The following DOCK6 variants were observed in gnomAD, a reference collection of about 807,000 sequenced individuals.
DOCK6 encodes dedicator of cytokinesis 6.
In DOCK6, 167 loss-of-function variants were observed where a neutral mutation model predicts 230.3. That is an observed-to-expected ratio of 0.73 (90% confidence interval 0.64 to 0.82). The LOEUF (loss-of-function observed/expected upper bound fraction) is 0.82. Among genes scored for constraint, DOCK6 ranks in the 40% least tolerant of loss-of-function variants. The pLI, the probability that DOCK6 is intolerant of heterozygous loss-of-function variation, is 0.00. For synonymous variants in DOCK6, 1,148 were observed against 1,185.0 expected (o/e 0.97, Z 0.64); for missense variants, 2,598 against 2,825.8 (o/e 0.92, Z 1.83).
chr19:11,243,664 C>T lies in DOCK6; in HGVS notation c.1151G>A (p.Cys384Tyr). 6.2e-7 allele frequency: 1 copy of T among 1,613,016 alleles called. No homozygotes were observed. The highest frequency in any genetic ancestry group is 8.5e-7 in the Non-Finnish European group (1 of 1,179,746). The change falls in exon 11 of 48, where the codon TGC (cysteine) becomes TAC (tyrosine). Residue 384 changes from cysteine (C) to tyrosine (Y), a missense_variant. Cys to Tyr is a radical substitution (Grantham distance 194). Transcript: ENST00000294618. This position sits in a 1 kb window ranked among gnomAD's most constrained non-coding sequence, Gnocchi z 6.3. ...CATGCGGTAGCGGCCCAGGCGGGTG[C>T]AGAACTGCTCGGCCGCCAGGCGCAG... is the stretch of plus-strand genomic sequence containing the variant. ...EKLRLAAEQF[C>Y]TRLGRYRMPF...
At chr19:11,229,562 G>A (rs1284380446) in intron 22 of DOCK6, among the ~76,000 whole-genome samples, 2 of 152,120 alleles carry the variant, frequency 1.3e-5, no homozygotes, top group African/African-American at 2.4e-5. Flanking sequence ...GGATGCCAAT[G>A]GGGACAGGCA....
At position 11,243,923 on chromosome 19, in the gene DOCK6, A is replaced by G; in HGVS notation, c.1024-41T>C. ...ATGAATCCAGTGAGGCGCTGCCCGA[A>G]CGCTCTGTTCCCCCGTGCTGGCTCC... On this transcript the variant is annotated intron_variant, in intron 9 of 47. Transcript: ENST00000294618. The surrounding 1 kb of genome is among the most constrained non-coding windows in gnomAD (Gnocchi z 6.3). 7 of 1,570,190 alleles carry G rather than the reference A, an allele frequency of 4.5e-6. No individual in the cohort carries two copies. The highest frequency in any genetic ancestry group is 6.0e-6 in the Non-Finnish European group (7 of 1,157,202).
intron 14 of DOCK6, chr19:11,240,018 G>T (rs1385079771): frequency 1.9e-6 from 3 of 1,545,940 alleles, no homozygotes; most frequent in African/African-American, 1.4e-5. Flanking sequence ...ATCCTGGTTT[G>T]CCCAGGACTG....
chr19:11,245,304 C>G (rs1599274800), intron 9 of DOCK6, among the ~76,000 whole-genome samples: 2 of 152,290 alleles, frequency 1.3e-5, no homozygotes, highest in Middle Eastern at 6.8e-3. Flanking sequence ...AGGACCCCAG[C>G]CTGTCACATG....
rs545302357 is a variant in DOCK6, at chr19:11,244,162, T to TTATGTATGTATGTATG, written c.1024-296_1024-281dup. ...CCTAAATTTACTTATTTATTTACAT[T>TTATGTATGTATGTATG]TATGTATGTATGTATGTATGTATTA... On this transcript the variant is annotated intron_variant, in intron 9 of 47. Transcript: ENST00000294618. 4.6e-3 allele frequency among the ~76,000 whole-genome samples: 695 copies of TTATGTATGTATGTATG among 152,178 alleles called. 8 individuals carry two copies. Among genetic ancestry groups the TTATGTATGTATGTATG allele is most frequent in the African/African-American group, 0.016 (661 of 41,478 alleles).
chr19:11,250,301 A>G (rs1249836902), intron 6 of DOCK6, among the ~76,000 whole-genome samples: 1 of 144,824 alleles, frequency 6.9e-6, no homozygotes. Flanking sequence ...GTGAGCCACC[A>G]CGCCCAGCCA....
chr19:11,233,282 C>A lies in DOCK6; in HGVS notation c.2639G>T (p.Ser880Ile), dbSNP rs1218010061. 4 of 1,613,808 alleles carry A rather than the reference C, an allele frequency of 2.5e-6. No homozygotes were observed. In the African/African-American group the frequency reaches 4.0e-5, roughly 16 times the overall value. The change falls in exon 22 of 48, where the codon AGC (serine) becomes ATC (isoleucine). Residue 880 changes from serine (S) to isoleucine (I), a missense_variant. Physicochemically the swap from Ser to Ile is moderately radical, Grantham distance 142. Coordinates refer to ENST00000294618, the MANE Select transcript of DOCK6 (RefSeq NM_020812.4). ...GAGGTCAGGGTTGCTGCTGCTGATG[C>A]TCTTGGAACGCGCCAGGTAGAGGCT... ...PASLYLARSK[S>I]ISSSNPDLAV...
At chr19:11,212,246 CTTTA>C in intron 35 of DOCK6, 95 bp from the exon 36 acceptor site, 1 of 1,416,712 alleles carries the variant, frequency 7.1e-7, no homozygotes, top group Non-Finnish European at 9.4e-7. Flanking sequence ...CCCTTGCGTT[CTTTA>C]TTTTTTTTGA....
At chr19:11,216,122 C>T in intron 30 of DOCK6, 195 bp from the exon 31 acceptor site, 1 of 495,890 alleles carries the variant, frequency 2.0e-6, no homozygotes, top group Non-Finnish European at 3.4e-6. Context: ...GAGTCTCTCT[C>T]ATTCTGTCGC....
chr19:11,243,090 C>A lies in DOCK6; in HGVS notation c.1449G>T (p.Ser483=). ...FKFLADMRRP[S]SLLRRLRPVT... is the part of the protein sequence containing the mutation. ...CAGGACGTAGTCGCCGCAGCAGGGA[C>A]GACGGGCGCCTCATGTCAGCCAGGA... is the stretch of plus-strand genomic sequence containing the variant. The change falls in exon 13 of 48, where the codon TCG becomes TCT. Residue 483 remains serine (S), a synonymous_variant. Coordinates refer to ENST00000294618, the MANE Select transcript of DOCK6 (RefSeq NM_020812.4). The surrounding 1 kb of genome is among the most constrained non-coding windows in gnomAD (Gnocchi z 6.3). 6.2e-7 allele frequency: 1 copy of A among 1,613,944 alleles called. No individual in the cohort carries two copies. The highest frequency in any genetic ancestry group is 8.5e-7 in the Non-Finnish European group (1 of 1,179,888).
chr19:11,206,162 C>G (rs539537382), intron 39 of DOCK6: 1 of 152,144 alleles, frequency 6.6e-6, no homozygotes, highest in African/African-American at 2.4e-5. Context: ...GAAAAACACA[C>G]GGAGCAAAGG....
intron 31 of DOCK6, 155 bp downstream of exon 31, chr19:11,215,646 G>A (rs1260059750): frequency 8.1e-6 from 11 of 1,361,758 alleles, no homozygotes; most frequent in East Asian, 2.4e-5. Context: ...AGATGGGGAC[G>A]CACAGGCGCA....
intron 28 of DOCK6, among the ~76,000 whole-genome samples, chr19:11,218,285 T>C (rs556891349): frequency 4.3e-4 from 65 of 152,192 alleles, no homozygotes; most frequent in Non-Finnish European, 8.2e-4. Flanking sequence ...TAGCTGGTAT[T>C]ACAGGTGCGC....
chr19:11,226,416 T>C (rs1366185677), intron 24 of DOCK6, among the ~76,000 whole-genome samples: 1 of 152,232 alleles, frequency 6.6e-6, no homozygotes, highest in Admixed American at 6.5e-5. Context: ...CCCAGCACTT[T>C]GGGAGGGCAA....
chr19:11,224,763 C>G (rs2079638076), intron 24 of DOCK6, among the ~76,000 whole-genome samples: 1 of 152,050 alleles, frequency 6.6e-6, no homozygotes, highest in South Asian at 2.1e-4. Flanking sequence ...GCCTCAGTGG[C>G]CCTCAAATCC....
At position 11,229,292 on chromosome 19, in the gene DOCK6, C is replaced by T. The variant is rs59187949; in HGVS notation, c.2719-257G>A. 4.8e-3 allele frequency: 6,117 copies of T among 1,276,782 alleles called. 234 individuals carry two copies. The African/African-American group carries it at 0.081, about 17-fold the overall frequency. 79.1% of individuals were successfully genotyped at this position (1,276,782 alleles called of 1,614,324 possible). On this transcript the variant is annotated intron_variant, in intron 22 of 47. Transcript: ENST00000294618. ...AAATAGCGTCATCCGCACCTCCCCC[C>T]ACTACCTTCTGCACAGTGGGTCTCA...
chr19:11,202,051 G>C lies in DOCK6; in HGVS notation c.5526C>G (p.Asp1842Glu), dbSNP rs769306856. The C allele has an allele frequency of 1.9e-6, 3 of 1,614,048 alleles. No individual in the cohort carries two copies. The Admixed American group carries it at 5.0e-5, about 27-fold the overall frequency. Residue 1842 changes from aspartate (D) to glutamate (E), a missense_variant, in exon 44 of 48, where the codon GAC becomes GAG. Transcript: ENST00000294618. This position sits in a 1 kb window ranked among gnomAD's most constrained non-coding sequence, Gnocchi z 5.3. ...YELKDRVTYF[D>E]RNYGLRTFLF... ...GGAATGTGCGAAGCCCATAGTTGCG[G>C]TCAAAGTAGGTCACCCGGTCCTTGA...
Position 11,214,499 on chromosome 19 carries a change from C to G in DOCK6, c.4203+54G>C, listed in dbSNP as rs1291052631. The G allele has an allele frequency of 6.8e-6, 11 of 1,612,972 alleles. No individual in the cohort carries two copies. In the African/African-American group the frequency reaches 8.0e-5, roughly 12 times the overall value. On this transcript the variant is annotated intron_variant, in intron 33 of 47. Coordinates refer to ENST00000294618, the MANE Select transcript of DOCK6 (RefSeq NM_020812.4). ...AGAGGGATTATGGAGTCAGAGACCA[C>G]AGGGCACTGCAGTTGGGCTCAGAGC...
Position 11,200,419 on chromosome 19 carries a change from T to G in DOCK6, c.5990A>C (p.Lys1997Thr). 6.2e-7 allele frequency: 1 copy of G among 1,611,020 alleles called. No homozygotes were observed. The highest frequency in any genetic ancestry group is 8.5e-7 in the Non-Finnish European group (1 of 1,178,782). The change falls in exon 47 of 48, where the codon AAG becomes ACG. Residue 1997 changes from lysine (K) to threonine (T), a missense_variant. By Grantham distance (78) the Lys-to-Thr change is moderately conservative. Coordinates refer to ENST00000294618, the MANE Select transcript of DOCK6 (RefSeq NM_020812.4). The surrounding 1 kb of genome is among the most constrained non-coding windows in gnomAD (Gnocchi z 4.3). ...GCGCTCCAGCTCACGGTGGTACTCC[T>G]TCTGGTCCGGCCCAATCAGGGCCTT... ...KNKALIGPDQ[K>T]EYHRELERNY...
Sources: gnomAD v4.1 joint callset for allele counts (sites outside exome capture counted in the v4.1 genomes callset) on GRCh38, gnomAD v4.1.1 for gene constraint, Gnocchi (gnomAD v3.1) non-coding constraint, MANE v1.5 for transcripts, NCBI Gene and HGNC (gene_info 2026-07-23, HGNC 2026-07-21) for gene names.